Variants in IL16 observed in about 807,000 individuals in gnomAD.
IL16 encodes the protein pro-interleukin-16.
IL16 carries 67 observed loss-of-function variants against 110.1 expected under a neutral mutation model. The ratio of observed to expected loss-of-function variants is 0.61; its 90% CI spans 0.50 to 0.75. The LOEUF is 0.75. Ranked by LOEUF, IL16 falls within the 30% of genes least tolerant of loss-of-function variation. The pLI, the probability that IL16 is intolerant of heterozygous loss-of-function variation, is 0.00. For synonymous variants in IL16, 689 were observed against 662.9 expected, an observed-to-expected ratio of 1.04 and a Z score of -0.61; for missense variants, 1,545 against 1,655.0, an observed-to-expected ratio of 0.93 and a Z score of 1.15.
chr15:81,266,521 A>G (rs1456185407), intron 4 of IL16, among the ~76,000 whole-genome samples: 17 of 152,116 alleles, frequency 1.1e-4, no homozygotes. Flanking sequence ...AGCACAGTGT[A>G]CCCTACACAC....
intron 7 of IL16, among the ~76,000 whole-genome samples, chr15:81,279,282 T>C (rs997509129): frequency 6.6e-6 from 1 of 151,934 alleles, no homozygotes; most frequent in Non-Finnish European, 1.5e-5. Flanking sequence ...TCTCTATCTA[T>C]TCATCCATCT....
At position 81,312,099 on chromosome 15, in the gene IL16, A is replaced by G. The variant is rs1318744103; in HGVS notation, c.*3301A>G. On this transcript the variant is annotated 3_prime_UTR_variant, in exon 19 of 19. Transcript: ENST00000683961. ...AATGCAGCGTGAAGGGATTTTAGTC[A>G]CACGTGGTCTTTCTTACAAGGAAGG... 1.3e-5 allele frequency: 2 copies of G among 152,268 alleles called. No individual in the cohort carries two copies. Among genetic ancestry groups the G allele is most frequent in the South Asian group, 2.1e-4 (1 of 4,830 alleles). 9.4% of individuals were successfully genotyped at this position (152,268 alleles called of 1,614,324 possible). A position where few individuals can be genotyped will look rare whatever the true frequency, so the allele number is the denominator to read the frequency against.
At chr15:81,231,324 GTCTCTCTCTCTCTCTCTCTCTC>G (rs532872365) in intron 2 of IL16, among the ~76,000 whole-genome samples, 27 of 47,144 alleles carry the variant, frequency 5.7e-4, no homozygotes, top group African/African-American at 1.9e-3. Flanking sequence ...AGGTCGGTCT[GTCTCTCTCTCTCTCTCTCTCTC>G]TCTCTCTCTC....
intron 2 of IL16, among the ~76,000 whole-genome samples, chr15:81,237,862 A>G (rs1394633144): frequency 6.6e-6 from 1 of 150,846 alleles, no homozygotes; most frequent in Non-Finnish European, 1.5e-5. Flanking sequence ...ATTTTTATTC[A>G]CTCTACCAGT....
chr15:81,212,314 ATGTT>A (rs559768763), intron 1 of IL16, among the ~76,000 whole-genome samples: 14 of 152,040 alleles, frequency 9.2e-5, no homozygotes, highest in Non-Finnish European at 1.6e-4. Context: ...TCTCTGAAGA[ATGTT>A]TGTTTGTCTG....
At chr15:81,219,541 A>T (rs1302806044) in intron 1 of IL16, among the ~76,000 whole-genome samples, 2 of 152,056 alleles carry the variant, frequency 1.3e-5, no homozygotes, top group Non-Finnish European at 2.9e-5. Flanking sequence ...GGCCCACCTG[A>T]TGCCCCGCTC....
At chr15:81,306,844 G>A in intron 18 of IL16, 1 of 432,534 alleles carries the variant, frequency 2.3e-6, no homozygotes, top group Non-Finnish European at 4.3e-6. Flanking sequence ...TGGCCTGTGG[G>A]GCAGAATTTT....
chr15:81,299,296 C>T, intron 13 of IL16, 84 bp from the exon 14 acceptor site: 4 of 1,598,550 alleles, frequency 2.5e-6, no homozygotes, highest in Non-Finnish European at 3.4e-6. Flanking sequence ...ATCCTTCTTG[C>T]TGTTCAGCTT....
intron 8 of IL16, 73 bp from the exon 9 acceptor site, chr15:81,282,566 C>A: frequency 9.4e-7 from 1 of 1,060,964 alleles, no homozygotes; most frequent in Non-Finnish European, 1.5e-6. Context: ...ATGTCTGTGG[C>A]ACCCAATCGA....
upstream of IL16, among the ~76,000 whole-genome samples, chr15:81,194,898 G>C (rs1395617854): frequency 6.6e-6 from 1 of 152,170 alleles, no homozygotes; most frequent in African/African-American, 2.4e-5. Context: ...TCTTGGTTGA[G>C]CTTCAAGTGG....
In IL16 at chr15:81,296,984, C is replaced by T; in HGVS notation, c.1959C>T (p.Ser653=). The T allele has an allele frequency of 6.2e-7, 1 of 1,613,816 alleles. No individual in the cohort carries two copies. The highest frequency in any genetic ancestry group is 1.1e-5 in the South Asian group (1 of 91,072). ...CACAGGAAGACACAGCAGGGAGAAG[C>T]CCTAGTGCCTCTGCCGGCTGCCCAG... ...LLPQEDTAGR[S]PSASAGCPGP... The change falls in exon 13 of 19, where the codon AGC becomes AGT. Residue 653 remains serine (S), a synonymous_variant. Coordinates refer to ENST00000683961, the MANE Select transcript of IL16 (RefSeq NM_172217.5).
intron 2 of IL16, among the ~76,000 whole-genome samples, chr15:81,231,324 GTCTCTCTCTCTCTCTCTCTC>G (rs532872365): frequency 6.4e-4 from 30 of 47,144 alleles, no homozygotes; most frequent in East Asian, 3.7e-3. Context: ...AGGTCGGTCT[GTCTCTCTCTCTCTCTCTCTC>G]TCTCTCTCTC....
rs1413518181 is a variant in IL16, at chr15:81,282,630, T to A, written c.1082-9T>A. On this transcript the variant is annotated splice_polypyrimidine_tract_variant and intron_variant, in intron 8 of 18. Coordinates refer to ENST00000683961, the MANE Select transcript of IL16 (RefSeq NM_172217.5). ...CCGGTCTCCCCACCCCGCCCTGTTC[T>A]GCTTCCAGAGGCCGGCGTGGGCCTG... 9.3e-6 allele frequency: 15 copies of A among 1,608,490 alleles called. No homozygotes were observed. The highest frequency in any genetic ancestry group is 1.2e-5 in the Non-Finnish European group (14 of 1,177,478).
At chr15:81,266,048 A>G (rs543916999) in intron 4 of IL16, among the ~76,000 whole-genome samples, 2 of 152,358 alleles carry the variant, frequency 1.3e-5, no homozygotes, top group African/African-American at 2.4e-5. Context: ...CGTGTGTGCT[A>G]TTAAGAGCTA....
Position 81,285,787 on chromosome 15 carries a change from C to A in IL16, c.1289C>A (p.Pro430His), listed in dbSNP as rs1244521083. 6.2e-7 allele frequency: 1 copy of A among 1,614,154 alleles called. No individual in the cohort carries two copies. The highest frequency in any genetic ancestry group is 8.5e-7 in the Non-Finnish European group (1 of 1,179,996). ...EVYTILSHCD[P>H]GPVPIIVSRH... is the part of the protein sequence containing the mutation. ...TACACGATCCTGAGTCACTGTGATC[C>A]CGGTCCAGTCCCCATCATTGTTAGC... is the stretch of plus-strand genomic sequence containing the variant. Residue 430 changes from proline (P) to histidine (H), a missense_variant, in exon 10 of 19, where the codon CCC becomes CAC. Around this residue, in one of 3 missense-constraint regions of IL16, gnomAD observed 1,185 missense variants for 1,238.8 expected, o/e 0.96. Coordinates refer to ENST00000683961, the MANE Select transcript of IL16 (RefSeq NM_172217.5).
chr15:81,204,283 C>T (rs929695256), intron 1 of IL16, among the ~76,000 whole-genome samples: 20 of 151,792 alleles, frequency 1.3e-4, no homozygotes, highest in African/African-American at 4.6e-4. Context: ...GACAATTTGA[C>T]TTCCTCTTTT....
intron 10 of IL16, among the ~76,000 whole-genome samples, chr15:81,289,115 C>T (rs1303229058): frequency 2.6e-5 from 4 of 152,042 alleles, no homozygotes; most frequent in Non-Finnish European, 4.4e-5. Context: ...CCAAGGGTCC[C>T]GATTTCTCCA....
intron 2 of IL16, among the ~76,000 whole-genome samples, chr15:81,233,337 A>G (rs1005041162): frequency 1.1e-4 from 17 of 151,870 alleles, no homozygotes; most frequent in African/African-American, 4.1e-4. Context: ...CGTTACTCAC[A>G]TTTTCTCAGC....
At chr15:81,287,046 C>G (rs1899484054) in intron 10 of IL16, among the ~76,000 whole-genome samples, 1 of 152,262 alleles carries the variant, frequency 6.6e-6, no homozygotes, top group East Asian at 1.9e-4. Flanking sequence ...CACCAGGTCC[C>G]TCCCACAACA....
Sources: gnomAD v4.1 joint callset for allele counts (sites outside exome capture counted in the v4.1 genomes callset) on GRCh38, gnomAD v4.1.1 for gene constraint, gnomAD v4.1.1 regional missense constraint, MANE v1.5 for transcripts, NCBI Gene and HGNC (gene_info 2026-07-23, HGNC 2026-07-21) for gene names.